The following PTPRG variants were observed in gnomAD, a reference collection of about 807,000 sequenced individuals.
The protein encoded by PTPRG is protein tyrosine phosphatase receptor type G.
Under a neutral mutation model 165.3 loss-of-function variants are expected in PTPRG, and 102 were observed. That is an observed-to-expected ratio of 0.62 (90% CI 0.53 to 0.73). The LOEUF (loss-of-function observed/expected upper bound fraction) is 0.73. Among genes scored for constraint, PTPRG ranks in the 30% least tolerant of loss-of-function variants. The pLI, the probability that PTPRG is intolerant of heterozygous loss-of-function variation, is 0.00. For synonymous variants in PTPRG, 675 were observed against 669.5 expected (o/e 1.01, Z -0.13); for missense variants, 1,866 against 1,861.4 (o/e 1.00, Z -0.05).
intron 2 of PTPRG, among the ~76,000 whole-genome samples, chr3:61,772,033 C>T (rs184089926): frequency 1.5e-5 from 2 of 137,410 alleles, no homozygotes; most frequent in Admixed American, 1.6e-4. Context: ...GCACTCCAGC[C>T]TGGGTGACAG....
chr3:61,973,275 C>G (rs2040424782), intron 2 of PTPRG, among the ~76,000 whole-genome samples: 2 of 152,202 alleles, frequency 1.3e-5, no homozygotes, highest in South Asian at 4.1e-4. Flanking sequence ...TTTTTCACAA[C>G]TAGGATCCAG....
chr3:61,744,686 G>T (rs1026595547), intron 1 of PTPRG, among the ~76,000 whole-genome samples: 1 of 152,100 alleles, frequency 6.6e-6, no homozygotes, highest in East Asian at 1.9e-4. Context: ...TGACAGAGAT[G>T]GAACAAAAGG....
chr3:61,954,389 G>T (rs2039987094), intron 2 of PTPRG, among the ~76,000 whole-genome samples: 1 of 152,134 alleles, frequency 6.6e-6, no homozygotes, highest in Non-Finnish European at 1.5e-5. Flanking sequence ...TGTTGAGAGA[G>T]GTTGGGCTGG....
intron 16 of PTPRG, among the ~76,000 whole-genome samples, chr3:62,261,444 T>A (rs1701694311): frequency 6.6e-6 from 1 of 152,206 alleles, no homozygotes; most frequent in Non-Finnish European, 1.5e-5. Flanking sequence ...AAGGGCAGCC[T>A]TAAAGCTCCT....
At chr3:61,583,692 G>C (rs938455518) in intron 1 of PTPRG, among the ~76,000 whole-genome samples, 1 of 151,974 alleles carries the variant, frequency 6.6e-6, no homozygotes, top group African/African-American at 2.4e-5. Flanking sequence ...GGCTGGGCTC[G>C]ATACACCTTT....
chr3:61,881,615 A>T (rs144980186), intron 2 of PTPRG, among the ~76,000 whole-genome samples: 44 of 152,340 alleles, frequency 2.9e-4, no homozygotes, highest in Admixed American at 5.2e-4. Flanking sequence ...AGTGAATGTG[A>T]TAAAAGCTTC....
intron 2 of PTPRG, among the ~76,000 whole-genome samples, chr3:61,776,036 CCTG>C (rs1254968379): frequency 6.6e-6 from 1 of 151,474 alleles, no homozygotes; most frequent in Non-Finnish European, 1.5e-5. Flanking sequence ...ATGTAACAAA[CCTG>C]CTCGTTGTGC....
intron 2 of PTPRG, among the ~76,000 whole-genome samples, chr3:61,935,007 C>T (rs1559698424): frequency 6.6e-6 from 1 of 152,110 alleles, no homozygotes; most frequent in Non-Finnish European, 1.5e-5. Context: ...ACGTCCCTTC[C>T]ACCTTCCTTT....
At chr3:61,913,410 G>A (rs1177042264) in intron 2 of PTPRG, among the ~76,000 whole-genome samples, 2 of 152,058 alleles carry the variant, frequency 1.3e-5, no homozygotes, top group Admixed American at 1.3e-4. Flanking sequence ...TAGTAGAGAC[G>A]GGATTTCGCT....
chr3:61,971,116 A>G (rs1290021905), intron 2 of PTPRG, among the ~76,000 whole-genome samples: 4 of 152,134 alleles, frequency 2.6e-5, no homozygotes, highest in African/African-American at 7.2e-5. Flanking sequence ...GCAGTGGTGC[A>G]ATCTCAGCCA....
rs369878278 is a variant in PTPRG, at chr3:61,842,259, T to G, written c.190+93277T>G. ...TCCATCACTCAGCAGCAATAACGTTTCTTATTGCTTCTAAAGGCAATGCCA... is the reference window on the plus strand; with the variant it reads ...TCCATCACTCAGCAGCAATAACGTTGCTTATTGCTTCTAAAGGCAATGCCA... On this transcript the variant is annotated intron_variant, in intron 2 of 29. Transcript: ENST00000474889. Among the ~76,000 whole-genome samples the G allele has an allele frequency of 2.7e-3, 409 of 152,304 alleles. 1 individual carries two copies. The highest frequency in any genetic ancestry group is 9.1e-3 in the African/African-American group (377 of 41,578).
intron 1 of PTPRG, among the ~76,000 whole-genome samples, chr3:61,705,511 G>GA (rs112939440): frequency 0.07 from 10,394 of 148,908 alleles, 561 homozygotes; most frequent in African/African-American, 0.15. Flanking sequence ...GATGTTTAAA[G>GA]AAAAAAAAAA....
chr3:61,850,020 T>G (rs11705773), intron 2 of PTPRG, among the ~76,000 whole-genome samples: 15,249 of 152,174 alleles, frequency 0.1, 1,151 homozygotes, highest in African/African-American at 0.21. Context: ...TTTCCTTGTT[T>G]CCTAACCCCA....
chr3:61,694,003 A>T (rs1457681431), intron 1 of PTPRG, among the ~76,000 whole-genome samples: 1 of 141,700 alleles, frequency 7.1e-6, no homozygotes, highest in Admixed American at 7.1e-5. Flanking sequence ...GTGAGACTCC[A>T]TCTCCAAAAA....
intron 1 of PTPRG, among the ~76,000 whole-genome samples, chr3:61,577,415 ACCT>A (rs1700193841): frequency 6.6e-6 from 1 of 152,156 alleles, no homozygotes; most frequent in African/African-American, 2.4e-5. Context: ...GCCACCAGCC[ACCT>A]GTGGCTAGTA....
In PTPRG at chr3:62,254,248, T is replaced by C. The variant is rs1701484283; in HGVS notation, c.2468-876T>C. Among the ~76,000 whole-genome samples, 1 of 152,222 alleles carries C rather than the reference T, an allele frequency of 6.6e-6. No individual in the cohort carries two copies. The highest frequency in any genetic ancestry group is 1.9e-4 in the East Asian group (1 of 5,198). ...CTGAATAAAGTAAATGTCATGTCTGTTGTTTATCTCAAATTCAGCAGAGTA... is the reference window on the plus strand; with the variant it reads ...CTGAATAAAGTAAATGTCATGTCTGCTGTTTATCTCAAATTCAGCAGAGTA... On this transcript the variant is annotated intron_variant, in intron 15 of 29. Transcript: ENST00000474889. This position sits in a 1 kb window ranked among gnomAD's most constrained non-coding sequence, Gnocchi z 4.6.
In PTPRG at chr3:62,240,569, T is replaced by C. The variant is rs1559694904; in HGVS notation, c.2376-3238T>C. 6.6e-6 allele frequency among the ~76,000 whole-genome samples: 1 copy of C among 152,226 alleles called. No individual in the cohort carries two copies. Among genetic ancestry groups the C allele is most frequent in the Non-Finnish European group, 1.5e-5 (1 of 68,036 alleles). ...CCTTTCATTGACTGTCCCCTGCTCC[T>C]AGACACCAGTGAAGGTTCTTTGGTC... On this transcript the variant is annotated intron_variant, in intron 14 of 29. Coordinates refer to ENST00000474889, the MANE Select transcript of PTPRG (RefSeq NM_002841.4). This position sits in a 1 kb window ranked among gnomAD's most constrained non-coding sequence, Gnocchi z 5.1.
At chr3:62,020,027 T>A (rs953209437) in intron 4 of PTPRG, among the ~76,000 whole-genome samples, 4 of 152,270 alleles carry the variant, frequency 2.6e-5, no homozygotes, top group Non-Finnish European at 4.4e-5. Context: ...AGGAGTATAG[T>A]AGTCTGAGTT....
At chr3:61,820,474 C>T (rs889035181) in intron 2 of PTPRG, among the ~76,000 whole-genome samples, 4 of 152,128 alleles carry the variant, frequency 2.6e-5, no homozygotes, top group Admixed American at 1.3e-4. Flanking sequence ...TAAACACCCT[C>T]GCAGACCCAC....
Sources: allele counts gnomAD v4.1 joint callset (sites outside exome capture counted in the v4.1 genomes callset), GRCh38; gene constraint gnomAD v4.1.1; non-coding constraint Gnocchi (gnomAD v3.1); transcripts MANE v1.5; gene names NCBI Gene and HGNC (gene_info 2026-07-23, HGNC 2026-07-21).